PAK3: variants seen among roughly 807,000 people sequenced by gnomAD.
The protein encoded by PAK3 is p21 (RAC1) activated kinase 3.
PAK3 carries 4 observed loss-of-function variants against 41.0 expected under a neutral mutation model. The observed-to-expected ratio is 0.10, with a 90% CI of 0.05 to 0.22. PAK3 has a LOEUF of 0.22. PAK3 is among the 10% of genes least tolerant of loss of function. PAK3 has a pLI of 1.00. For synonymous variants in PAK3, 146 were observed against 139.6 expected (o/e 1.05, Z -0.32); for missense variants, 205 against 409.9 (o/e 0.50, Z 4.32).
At chrX:111,119,287 T>TA (rs1397690276) in intron 4 of PAK3, among the ~76,000 whole-genome samples, 1 of 112,228 alleles carries the variant, frequency 8.9e-6, no homozygotes, top group Non-Finnish European at 1.9e-5. Flanking sequence ...AAAAGCCATT[T>TA]AAATTATCTC....
At chrX:111,006,702 T>C (rs1184206770) in intron 1 of PAK3, among the ~76,000 whole-genome samples, 2 of 111,524 alleles carry the variant, frequency 1.8e-5, no homozygotes, top group African/African-American at 6.5e-5. Flanking sequence ...GACATTATCC[T>C]ACATCAGTGT....
intron 4 of PAK3, among the ~76,000 whole-genome samples, chrX:111,106,714 G>A (rs772969919): frequency 1.8e-5 from 2 of 111,801 alleles, no homozygotes; most frequent in African/African-American, 3.3e-5. Context: ...GCAAGAAATA[G>A]TTTATATTCA....
intron 13 of PAK3, 128 bp downstream of exon 13, chrX:111,192,746 G>A: frequency 4.2e-6 from 2 of 475,187 alleles, no homozygotes; most frequent in South Asian, 6.3e-5. Context: ...CAGTGTAGTA[G>A]AGTATTAGAT....
At chrX:111,123,938 T>G (rs1432154094) in intron 5 of PAK3, among the ~76,000 whole-genome samples, 1 of 111,784 alleles carries the variant, frequency 8.9e-6, no homozygotes, top group Non-Finnish European at 1.9e-5. Flanking sequence ...ATGAAATCTC[T>G]AGTAAGTAAC....
chrX:111,083,873 G>A (rs1284428476), intron 1 of PAK3, among the ~76,000 whole-genome samples: 1 of 112,197 alleles, frequency 8.9e-6, no homozygotes, highest in Non-Finnish European at 1.9e-5. Flanking sequence ...CTTTCACTTG[G>A]TTCACAAATA....
At chrX:110,949,251 G>T (rs2090689947) in intron 1 of PAK3, among the ~76,000 whole-genome samples, 1 of 111,094 alleles carries the variant, frequency 9.0e-6, no homozygotes. Flanking sequence ...TTCTAGTGGA[G>T]ACCTAAAAGA....
At chrX:111,122,715 A>T in intron 4 of PAK3, among the ~76,000 whole-genome samples, 1 of 111,797 alleles carries the variant, frequency 8.9e-6, no homozygotes, top group Non-Finnish European at 1.9e-5. Context: ...TGATCACCTG[A>T]CCACTACAAT....
chrX:111,106,043 C>T lies in PAK3; in HGVS notation c.-28+2737C>T, dbSNP rs192028925. Among the ~76,000 whole-genome samples the T allele has an allele frequency of 7.0e-4, 78 of 111,623 alleles. 1 individual carries two copies. The highest frequency in any genetic ancestry group is 6.6e-3 in the Admixed American group (69 of 10,533). ...ACGACTGTACACTCAAAATTATACACGCCCTTATTCCCACAGACAAGCACT... is the reference window on the plus strand; with the variant it reads ...ACGACTGTACACTCAAAATTATACATGCCCTTATTCCCACAGACAAGCACT... On this transcript the variant is annotated intron_variant, in intron 4 of 17. Coordinates refer to ENST00000372007, the MANE Select transcript of PAK3 (RefSeq NM_002578.5).
chrX:110,973,558 A>G (rs973931909), intron 1 of PAK3, among the ~76,000 whole-genome samples: 3 of 112,180 alleles, frequency 2.7e-5, no homozygotes, highest in African/African-American at 9.7e-5. Context: ...AGAGCTCCTG[A>G]AGGAAGCACT....
chrX:111,174,098 G>A (rs1398950723), intron 11 of PAK3, among the ~76,000 whole-genome samples: 1 of 110,984 alleles, frequency 9.0e-6, no homozygotes, highest in Non-Finnish European at 1.9e-5. Context: ...ATTATTTTAG[G>A]GTAAGAGAAG....
chrX:111,038,502 A>G (rs2092421918), intron 1 of PAK3, among the ~76,000 whole-genome samples: 1 of 111,916 alleles, frequency 8.9e-6, no homozygotes, highest in African/African-American at 3.2e-5. Context: ...AATGAGGTGT[A>G]TGGGACTCCA....
intron 3 of PAK3, among the ~76,000 whole-genome samples, chrX:111,099,390 C>T (rs1412758803): frequency 9.0e-6 from 1 of 111,162 alleles, no homozygotes; most frequent in Non-Finnish European, 1.9e-5. Context: ...CAATGAGGAG[C>T]AAAACGGTGC....
chrX:111,161,002 A>C (rs1283806042), intron 8 of PAK3, among the ~76,000 whole-genome samples: 2 of 111,391 alleles, frequency 1.8e-5, no homozygotes, highest in African/African-American at 3.3e-5. Context: ...GGCTGGGTCA[A>C]ATGGTATTTC....
intron 1 of PAK3, among the ~76,000 whole-genome samples, chrX:110,971,405 G>A (rs890555226): frequency 8.9e-5 from 10 of 112,261 alleles, no homozygotes; most frequent in African/African-American, 3.2e-4. Context: ...CCATGTTGAA[G>A]CATGTATTAG....
chrX:110,953,831 A>G (rs1440403154), intron 1 of PAK3, among the ~76,000 whole-genome samples: 1 of 111,825 alleles, frequency 8.9e-6, no homozygotes, highest in Non-Finnish European at 1.9e-5. Flanking sequence ...GAACAAACTG[A>G]CCAGTCATTT....
intron 1 of PAK3, among the ~76,000 whole-genome samples, chrX:111,083,594 C>T (rs1442214195): frequency 1.8e-5 from 2 of 112,300 alleles, no homozygotes; most frequent in Non-Finnish European, 3.8e-5. Flanking sequence ...CTTTCCTTTG[C>T]CACCTGAAAT....
intron 1 of PAK3, among the ~76,000 whole-genome samples, chrX:110,977,162 A>G (rs1040691045): frequency 2.3e-4 from 25 of 110,525 alleles, no homozygotes; most frequent in Admixed American, 8.8e-4. Flanking sequence ...TCACTCTTTC[A>G]CCATTGCGAT....
chrX:111,051,689 G>A (rs1219855091), intron 1 of PAK3, among the ~76,000 whole-genome samples: 1 of 18,100 alleles, frequency 5.5e-5, no homozygotes, highest in African/African-American at 7.6e-5. Flanking sequence ...GTGTTACCGT[G>A]TGTGTGTCTG....
rs750198186 is a variant in PAK3, at chrX:111,142,097, C to T, written c.177C>T (p.Thr59=). Residue 59 remains threonine (T), a splice_region_variant and synonymous_variant, in exon 6 of 18, where the codon ACC becomes ACT. Transcript: ENST00000372007. The part of the protein sequence containing the change: ...RSIFPGGGDK[T]NKKKEKERPE... ...TACATGTTAACATTTTGCCTTTAGC[C>T]AATAAGAAGAAGGAGAAAGAGCGCC... 4 of 1,155,720 alleles carry T rather than the reference C, an allele frequency of 3.5e-6. No individual in the cohort carries two copies. The highest frequency in any genetic ancestry group is 3.6e-6 in the Non-Finnish European group (3 of 844,684).
Sources: gnomAD v4.1 joint callset for allele counts (sites outside exome capture counted in the v4.1 genomes callset) on GRCh38, gnomAD v4.1.1 for gene constraint, MANE v1.5 for transcripts, NCBI Gene and HGNC (gene_info 2026-07-23, HGNC 2026-07-21) for gene names.